EVA1A: variants seen among roughly 807,000 people sequenced by gnomAD.
EVA1A encodes the protein eva-1 homolog A, regulator of programmed cell death, also known as protein eva-1 homolog A.
Under a neutral mutation model 9.8 loss-of-function variants are expected in EVA1A, and 7 were observed. The ratio of observed to expected loss-of-function variants is 0.71; its 90% CI spans 0.41 to 1.34. EVA1A has a LOEUF of 1.34. Among genes scored for constraint, EVA1A ranks in the 40% most tolerant of loss-of-function variants. The probability of loss-of-function intolerance (pLI) is 0.01; values close to 1 mark genes in which losing one functional copy is unlikely to be tolerated. For synonymous variants in EVA1A, 90 were observed against 85.6 expected (o/e 1.05, Z -0.28); for missense variants, 206 against 205.9 (o/e 1.00, Z 0.00).
chr2:75,523,730 C>A (rs1414660597), intron 1 of EVA1A, among the ~76,000 whole-genome samples: 1 of 152,158 alleles, frequency 6.6e-6, no homozygotes, highest in Non-Finnish European at 1.5e-5. Flanking sequence ...AGGGCAGGGA[C>A]CATGCCTTAA....
At chr2:75,569,276 C>T (rs1677081394) in intron 1 of EVA1A, among the ~76,000 whole-genome samples, 1 of 152,084 alleles carries the variant, frequency 6.6e-6, no homozygotes, top group Admixed American at 6.5e-5. Context: ...CTTTCTTAAT[C>T]CCCTTCAATC....
intron 2 of EVA1A, chr2:75,518,964 C>A: frequency 1.5e-6 from 1 of 673,184 alleles, no homozygotes; most frequent in Non-Finnish European, 1.8e-6. Flanking sequence ...ATGACTCCAC[C>A]TGTGACTGTG....
intron 1 of EVA1A, among the ~76,000 whole-genome samples, chr2:75,543,485 A>C (rs1399253205): frequency 6.6e-6 from 1 of 152,046 alleles, no homozygotes; most frequent in Non-Finnish European, 1.5e-5. Context: ...AAGCACAGGG[A>C]CCCAGAGGAA....
intron 1 of EVA1A, chr2:75,558,591 G>A (rs1294276023): frequency 6.6e-6 from 1 of 152,240 alleles, no homozygotes; most frequent in Admixed American, 6.5e-5. Flanking sequence ...CAACAAAATG[G>A]TCTGTAGGAA....
chr2:75,546,907 CAAAAAAAAAAA>C (rs751386318), intron 1 of EVA1A, among the ~76,000 whole-genome samples: 2 of 66,876 alleles, frequency 3.0e-5, no homozygotes, highest in Non-Finnish European at 6.5e-5. Flanking sequence ...ATCAATAGGC[CAAAAAAAAAAA>C]AAAAAAAAAC....
At chr2:75,523,209 T>C (rs1409623443) in intron 1 of EVA1A, among the ~76,000 whole-genome samples, 1 of 152,214 alleles carries the variant, frequency 6.6e-6, no homozygotes, top group Non-Finnish European at 1.5e-5. Flanking sequence ...ATCTCAGCTA[T>C]TTCTTCCCCA....
chr2:75,540,241 G>A (rs1676062395), intron 1 of EVA1A, among the ~76,000 whole-genome samples: 1 of 152,216 alleles, frequency 6.6e-6, no homozygotes. Flanking sequence ...AAGATACCTG[G>A]CACAGAGTAA....
intron 1 of EVA1A, among the ~76,000 whole-genome samples, chr2:75,539,034 C>T (rs960665778): frequency 6.6e-6 from 1 of 152,270 alleles, no homozygotes. Flanking sequence ...TTATTTCTTG[C>T]AACTGCATAT....
chr2:75,529,659 C>T (rs556147485), intron 1 of EVA1A, among the ~76,000 whole-genome samples: 6 of 152,074 alleles, frequency 3.9e-5, no homozygotes, highest in South Asian at 2.1e-4. Context: ...TTTGGGTCAA[C>T]GATGAAATAA....
chr2:75,533,275 G>A (rs903169137), intron 1 of EVA1A, among the ~76,000 whole-genome samples: 1 of 152,096 alleles, frequency 6.6e-6, no homozygotes, highest in African/African-American at 2.4e-5. Context: ...AGAACACAGA[G>A]GATGTTTCAT....
At chr2:75,529,035 G>A (rs1485025512) in intron 1 of EVA1A, among the ~76,000 whole-genome samples, 2 of 152,130 alleles carry the variant, frequency 1.3e-5, no homozygotes, top group East Asian at 3.8e-4. Context: ...CTACAACCAA[G>A]GACTCTCACA....
At chr2:75,547,827 G>T (rs890924615) in intron 1 of EVA1A, among the ~76,000 whole-genome samples, 1 of 152,198 alleles carries the variant, frequency 6.6e-6, no homozygotes, top group Admixed American at 6.5e-5. Context: ...GCAGGGGCTG[G>T]TAAACTACTG....
At chr2:75,536,231 A>T (rs918312570) in intron 1 of EVA1A, among the ~76,000 whole-genome samples, 2 of 152,080 alleles carry the variant, frequency 1.3e-5, no homozygotes, top group African/African-American at 4.8e-5. Flanking sequence ...GCTACTCAGG[A>T]GGCTGAAGGG....
At chr2:75,531,968 G>C (rs990727977) in intron 1 of EVA1A, among the ~76,000 whole-genome samples, 1 of 151,952 alleles carries the variant, frequency 6.6e-6, no homozygotes, top group East Asian at 1.9e-4. Context: ...GACCATCCTG[G>C]CTAACACGGT....
chr2:75,533,705 G>T (rs1298052424), intron 1 of EVA1A, among the ~76,000 whole-genome samples: 19 of 152,034 alleles, frequency 1.2e-4, no homozygotes, highest in Non-Finnish European at 1.2e-4. Flanking sequence ...GGGAGGTGGA[G>T]GCAGGAGGGT....
chr2:75,523,738 T>G (rs1188996234), intron 1 of EVA1A, among the ~76,000 whole-genome samples: 1 of 152,200 alleles, frequency 6.6e-6, no homozygotes, highest in Non-Finnish European at 1.5e-5. Context: ...GACCATGCCT[T>G]AATTCTTATC....
intron 1 of EVA1A, among the ~76,000 whole-genome samples, chr2:75,556,993 T>C (rs1036180547): frequency 2.6e-5 from 4 of 152,184 alleles, no homozygotes; most frequent in African/African-American, 9.6e-5. Flanking sequence ...GTTCTCACCC[T>C]ACTCCACCCT....
upstream of EVA1A, among the ~76,000 whole-genome samples, chr2:75,561,961 C>T (rs1676934460): frequency 6.6e-6 from 1 of 152,112 alleles, no homozygotes; most frequent in African/African-American, 2.4e-5. Context: ...TAGCCAGTGA[C>T]CACGTGGATG....
chr2:75,550,992 G>A (rs145360312), intron 1 of EVA1A, among the ~76,000 whole-genome samples: 8 of 152,252 alleles, frequency 5.3e-5, no homozygotes, highest in South Asian at 2.1e-4. Context: ...GCATAGTAGT[G>A]TGTGTCTGTA....
Sources: gnomAD v4.1 joint callset for allele counts (sites outside exome capture counted in the v4.1 genomes callset) on GRCh38, gnomAD v4.1.1 for gene constraint, MANE v1.5 for transcripts, NCBI Gene and HGNC (gene_info 2026-07-23, HGNC 2026-07-21) for gene names.